Variants in SFMBT2 observed in about 807,000 individuals in gnomAD.
SFMBT2 encodes the protein scm-like with four MBT domains protein 2.
Under a neutral mutation model 110.1 loss-of-function variants are expected in SFMBT2, and 38 were observed. The observed-to-expected ratio is 0.35, with a 90% CI of 0.27 to 0.45. SFMBT2 has a LOEUF of 0.45. SFMBT2 is among the 20% of genes least tolerant of loss of function. SFMBT2 has a pLI of 1.00. For synonymous variants in SFMBT2, 425 were observed against 425.4 expected (o/e 1.00, Z 0.01); for missense variants, 1,011 against 1,094.9 (o/e 0.92, Z 1.08).
intron 1 of SFMBT2, among the ~76,000 whole-genome samples, chr10:7,399,012 T>C (rs1845999342): frequency 6.6e-6 from 1 of 152,204 alleles, no homozygotes; most frequent in Non-Finnish European, 1.5e-5. Flanking sequence ...CGCACAGCAA[T>C]GATGCTTGAG....
intron 4 of SFMBT2, among the ~76,000 whole-genome samples, chr10:7,308,817 C>T (rs1381754663): frequency 6.6e-6 from 1 of 152,186 alleles, no homozygotes; most frequent in Non-Finnish European, 1.5e-5. Flanking sequence ...CTCTCTCACA[C>T]TACAGAAGCC....
chr10:7,192,721 C>T (rs907532209), intron 15 of SFMBT2, among the ~76,000 whole-genome samples: 65 of 152,326 alleles, frequency 4.3e-4, no homozygotes, highest in African/African-American at 1.4e-3. Flanking sequence ...GGAAAGATCC[C>T]AAACTGCAGG....
At chr10:7,277,326 C>A (rs7080643) in intron 6 of SFMBT2, 131,875 of 214,282 alleles carry the variant, frequency 0.62, 43,056 homozygotes, top group African/African-American at 0.88. Context: ...AAAATTCCAC[C>A]TATCACCTAG....
At chr10:7,257,547 C>G (rs12764190) in intron 7 of SFMBT2, among the ~76,000 whole-genome samples, 1 of 152,078 alleles carries the variant, frequency 6.6e-6, no homozygotes, top group Non-Finnish European at 1.5e-5. Context: ...ACAGTATACA[C>G]GTGGCTGTGA....
chr10:7,274,405 TC>T, intron 7 of SFMBT2, among the ~76,000 whole-genome samples: 1 of 152,226 alleles, frequency 6.6e-6, no homozygotes, highest in South Asian at 2.1e-4. Context: ...GCTCCCATAA[TC>T]CCCACATGTT....
At chr10:7,390,959 G>A (rs1374066361) in intron 1 of SFMBT2, among the ~76,000 whole-genome samples, 5 of 151,932 alleles carry the variant, frequency 3.3e-5, no homozygotes, top group Non-Finnish European at 7.4e-5. Flanking sequence ...AATTAGCAGG[G>A]CTTGGTGGCA....
At chr10:7,174,009 T>C (rs1470867876) in intron 17 of SFMBT2, among the ~76,000 whole-genome samples, 1 of 152,226 alleles carries the variant, frequency 6.6e-6, no homozygotes, top group East Asian at 1.9e-4. Context: ...AGACCCTCTA[T>C]GTCCCACCTC....
rs73617431 is a variant in SFMBT2 at position 7,299,460 on chromosome 10, T to A, written c.437-13506A>T. Among the ~76,000 whole-genome samples the A allele has an allele frequency of 8.5e-4, 129 of 152,290 alleles. 1 individual carries two copies. The highest frequency in any genetic ancestry group is 3.1e-3 in the African/African-American group (127 of 41,566). ...CACTTCTCAAAAGCAGACATTTACG[T>A]GGCCAACAAAGATATTTAAAAAAGC... On this transcript the variant is annotated intron_variant, in intron 4 of 20. Coordinates refer to ENST00000397167, the MANE Select transcript of SFMBT2 (RefSeq NM_001387889.1).
At chr10:7,214,121 G>A (rs1198775713) in intron 11 of SFMBT2, among the ~76,000 whole-genome samples, 3 of 152,262 alleles carry the variant, frequency 2.0e-5, no homozygotes, top group South Asian at 4.1e-4. Context: ...GTAGAGAAAC[G>A]TACTAAAAAG....
At chr10:7,288,053 A>T (rs897097600) in intron 4 of SFMBT2, among the ~76,000 whole-genome samples, 7 of 152,266 alleles carry the variant, frequency 4.6e-5, no homozygotes, top group Non-Finnish European at 8.8e-5. Flanking sequence ...ATTATTACAT[A>T]TATCTTTTTA....
intron 4 of SFMBT2, among the ~76,000 whole-genome samples, chr10:7,310,680 T>C (rs1842826116): frequency 6.6e-6 from 1 of 152,192 alleles, no homozygotes; most frequent in Admixed American, 6.5e-5. Flanking sequence ...GAAGTTGCTG[T>C]GCATTTTCTG....
At chr10:7,287,579 A>T (rs534689949) in intron 4 of SFMBT2, among the ~76,000 whole-genome samples, 1 of 152,282 alleles carries the variant, frequency 6.6e-6, no homozygotes, top group South Asian at 2.1e-4. Context: ...CAAAGTCAGC[A>T]TAAATGACAG....
chr10:7,221,451 G>A (rs572879560), intron 10 of SFMBT2, among the ~76,000 whole-genome samples: 17 of 151,620 alleles, frequency 1.1e-4, no homozygotes, highest in Non-Finnish European at 2.2e-4. Context: ...CCGTAATCCC[G>A]GCTACTCGGG....
At chr10:7,396,060 C>T (rs900687089) in intron 1 of SFMBT2, among the ~76,000 whole-genome samples, 1 of 152,146 alleles carries the variant, frequency 6.6e-6, no homozygotes, top group African/African-American at 2.4e-5. Flanking sequence ...CATGGTGAAA[C>T]CCTGCCTCTA....
intron 4 of SFMBT2, among the ~76,000 whole-genome samples, chr10:7,318,106 T>C (rs899918178): frequency 4.6e-5 from 7 of 152,208 alleles, no homozygotes; most frequent in African/African-American, 1.4e-4. Flanking sequence ...GAGCTGGTAC[T>C]TGTAGGTCTG....
At chr10:7,169,810 T>C (rs1837814363) in intron 20 of SFMBT2, among the ~76,000 whole-genome samples, 1 of 152,184 alleles carries the variant, frequency 6.6e-6, no homozygotes, top group Non-Finnish European at 1.5e-5. Context: ...TCTTCTTCCT[T>C]AGGACACAGC....
intron 13 of SFMBT2, 179 bp downstream of exon 13, chr10:7,202,301 A>T: frequency 3.2e-6 from 1 of 314,542 alleles, no homozygotes; most frequent in Non-Finnish European, 4.6e-6. Context: ...GGGAGCAGGC[A>T]CTGTGTCTTG....
At chr10:7,398,108 A>T (rs1845977217) in intron 1 of SFMBT2, among the ~76,000 whole-genome samples, 1 of 152,240 alleles carries the variant, frequency 6.6e-6, no homozygotes, top group Non-Finnish European at 1.5e-5. Flanking sequence ...AAGAAATGCT[A>T]ATTTCTTAAA....
intron 11 of SFMBT2, among the ~76,000 whole-genome samples, chr10:7,218,760 T>C (rs1244885003): frequency 6.6e-6 from 1 of 152,152 alleles, no homozygotes; most frequent in Non-Finnish European, 1.5e-5. Context: ...CTAAATGTTG[T>C]TCATCACTCT....
Sources: gnomAD v4.1 joint callset for allele counts (sites outside exome capture counted in the v4.1 genomes callset) on GRCh38, gnomAD v4.1.1 for gene constraint, MANE v1.5 for transcripts, NCBI Gene and HGNC (gene_info 2026-07-23, HGNC 2026-07-21) for gene names.